The following MACROD2 variants were observed in gnomAD, a reference collection of about 807,000 sequenced individuals.
MACROD2 encodes the protein ADP-ribose glycohydrolase MACROD2.
A neutral mutation model predicts 70.4 loss-of-function variants in MACROD2; 36 were observed. The observed-to-expected ratio is 0.51, with a 90% CI of 0.39 to 0.68. The LOEUF (loss-of-function observed/expected upper bound fraction) is 0.68. MACROD2 is among the 30% of genes least tolerant of loss of function. The pLI is 0.00. For synonymous variants in MACROD2, 172 were observed against 178.8 expected (o/e 0.96, Z 0.30); for missense variants, 496 against 538.4 (o/e 0.92, Z 0.78).
chr20:15,844,496 G>A (rs554647076), intron 8 of MACROD2, among the ~76,000 whole-genome samples: 3 of 152,158 alleles, frequency 2.0e-5, no homozygotes, highest in South Asian at 2.1e-4. Context: ...CCATTTTTAC[G>A]GACATGAAAA....
At chr20:15,150,594 T>G (rs1329239623) in intron 5 of MACROD2, among the ~76,000 whole-genome samples, 1 of 151,524 alleles carries the variant, frequency 6.6e-6, no homozygotes, top group Non-Finnish European at 1.5e-5. Flanking sequence ...GAGGTAAGGG[T>G]GATTAGGTTT....
At chr20:15,735,275 T>C (rs1314650636) in intron 8 of MACROD2, among the ~76,000 whole-genome samples, 6 of 152,122 alleles carry the variant, frequency 3.9e-5, no homozygotes, top group Admixed American at 3.9e-4. Flanking sequence ...GTTTTTTAAT[T>C]GAAATATTTG....
chr20:14,192,801 T>C (rs1320797062), intron 3 of MACROD2, among the ~76,000 whole-genome samples: 9 of 152,166 alleles, frequency 5.9e-5, no homozygotes. Flanking sequence ...ATTACTGGAC[T>C]GGGAACTTGT....
intron 8 of MACROD2, among the ~76,000 whole-genome samples, chr20:15,645,400 A>G (rs2049525607): frequency 6.6e-6 from 1 of 152,132 alleles, no homozygotes; most frequent in Admixed American, 6.5e-5. Context: ...CAATTATCTG[A>G]GCTTTTGCAG....
At chr20:14,665,557 C>T (rs1364401693) in intron 4 of MACROD2, among the ~76,000 whole-genome samples, 2 of 151,656 alleles carry the variant, frequency 1.3e-5, no homozygotes, top group Non-Finnish European at 2.9e-5. Context: ...CTGGAAATGC[C>T]TAGGTTCCAC....
chr20:14,869,635 A>G (rs2073465960), intron 5 of MACROD2, among the ~76,000 whole-genome samples: 1 of 152,318 alleles, frequency 6.6e-6, no homozygotes, highest in Admixed American at 6.5e-5. Flanking sequence ...ATAAGCATTT[A>G]AGGGGATCTG....
chr20:15,170,103 T>C (rs1389378932), intron 5 of MACROD2, among the ~76,000 whole-genome samples: 4 of 152,220 alleles, frequency 2.6e-5, no homozygotes, highest in Admixed American at 1.3e-4. Flanking sequence ...TAAGGTTTAT[T>C]CTTGTAATTT....
chr20:15,686,236 A>G (rs1280363422), intron 8 of MACROD2, among the ~76,000 whole-genome samples: 1 of 152,232 alleles, frequency 6.6e-6, no homozygotes, highest in East Asian at 1.9e-4. Flanking sequence ...GAGACAGAAA[A>G]ATAGGATAAA....
At chr20:15,991,623 A>G (rs1324496193) in intron 15 of MACROD2, among the ~76,000 whole-genome samples, 1 of 152,242 alleles carries the variant, frequency 6.6e-6, no homozygotes, top group Non-Finnish European at 1.5e-5. Flanking sequence ...ATACACTTGC[A>G]TGTTGAGTAA....
chr20:14,116,707 A>T (rs1373925780), intron 3 of MACROD2, among the ~76,000 whole-genome samples: 1 of 151,896 alleles, frequency 6.6e-6, no homozygotes, highest in Non-Finnish European at 1.5e-5. Context: ...TTTTGTTTGC[A>T]TTTTTATGAC....
chr20:14,879,149 C>G (rs904711499), intron 5 of MACROD2, among the ~76,000 whole-genome samples: 1 of 152,068 alleles, frequency 6.6e-6, no homozygotes, highest in African/African-American at 2.4e-5. Context: ...AAACCTTGTA[C>G]ACAGTACAGG....
intron 3 of MACROD2, chr20:14,324,763 G>A (rs1456293858): frequency 6.6e-6 from 1 of 152,084 alleles, no homozygotes; most frequent in Non-Finnish European, 1.5e-5. Flanking sequence ...ACAAGTCTAA[G>A]TTTCCATGTT....
rs576690493 is a variant in MACROD2, at chr20:15,660,304, C to T, written c.645+160457C>T. Among the ~76,000 whole-genome samples the T allele has an allele frequency of 5.4e-4, 82 of 152,200 alleles. No homozygotes were observed. The South Asian group carries it at 0.015, about 28-fold the overall frequency. On this transcript the variant is annotated intron_variant, in intron 8 of 17. Transcript: ENST00000684519. ...CTGAAGCTTGAAAAAAAGTAATCAT[C>T]GAGACTGTTTTCATTTGACATGTGT...
chr20:15,802,728 AGTC>A (rs1343245912), intron 8 of MACROD2, among the ~76,000 whole-genome samples: 2 of 152,158 alleles, frequency 1.3e-5, no homozygotes, highest in African/African-American at 4.8e-5. Flanking sequence ...TGAAGTGAAA[AGTC>A]GTTTTTTTGA....
chr20:14,934,871 G>C (rs1336692303), intron 5 of MACROD2: 2 of 152,082 alleles, frequency 1.3e-5, no homozygotes, highest in Middle Eastern at 3.2e-3. Context: ...TATGTAGAGG[G>C]ACTGTGACCT....
At chr20:14,922,281 G>GT (rs1368227932) in intron 5 of MACROD2, among the ~76,000 whole-genome samples, 3 of 152,172 alleles carry the variant, frequency 2.0e-5, no homozygotes, top group East Asian at 1.9e-4. Context: ...TAGATGTATA[G>GT]TTTTTTCCTG....
intron 6 of MACROD2, among the ~76,000 whole-genome samples, chr20:15,367,995 T>G (rs893243671): frequency 6.6e-6 from 1 of 152,202 alleles, no homozygotes; most frequent in South Asian, 2.1e-4. Flanking sequence ...CCACAGCATT[T>G]TTTCAACCTA....
At chr20:15,736,537 G>T (rs1022608821) in intron 8 of MACROD2, among the ~76,000 whole-genome samples, 1 of 124,220 alleles carries the variant, frequency 8.1e-6, no homozygotes, top group Non-Finnish European at 1.8e-5. Flanking sequence ...TACAAGAGCT[G>T]AGAGTAGACT....
At chr20:15,393,318 CTCTAAAA>C (rs2045817125) in intron 6 of MACROD2, among the ~76,000 whole-genome samples, 1 of 152,184 alleles carries the variant, frequency 6.6e-6, no homozygotes. Flanking sequence ...AACTCTACAT[CTCTAAAA>C]TCTAACTCAA....
Sources: gnomAD v4.1 joint callset for allele counts (sites outside exome capture counted in the v4.1 genomes callset) on GRCh38, gnomAD v4.1.1 for gene constraint, MANE v1.5 for transcripts, NCBI Gene and HGNC (gene_info 2026-07-23, HGNC 2026-07-21) for gene names.